The following NIPSNAP1 variants were observed in gnomAD, a reference collection of about 807,000 sequenced individuals.
The protein encoded by NIPSNAP1 is protein NipSnap homolog 1.
A neutral mutation model predicts 49.2 loss-of-function variants in NIPSNAP1; 25 were observed. The ratio of observed to expected loss-of-function variants is 0.51; its 90% CI spans 0.37 to 0.71. The LOEUF is 0.71. NIPSNAP1 is among the 30% of genes least tolerant of loss of function. The pLI, the probability that NIPSNAP1 is intolerant of heterozygous loss-of-function variation, is 0.00. For missense variants in NIPSNAP1, 294 were observed against 361.0 expected (o/e 0.81, Z 1.50); for synonymous variants, 143 against 140.7 (o/e 1.02, Z -0.12).
In NIPSNAP1 at chr22:29,569,219, G is replaced by C; in HGVS notation, c.341C>G (p.Thr114Arg). 1 of 1,614,078 alleles carries C rather than the reference G, an allele frequency of 6.2e-7. No homozygotes were observed. The highest frequency in any genetic ancestry group is 1.1e-5 in the South Asian group (1 of 91,072). The change falls in exon 4 of 10, where the codon ACG (threonine) becomes AGG (arginine). Residue 114 changes from threonine to arginine, a missense_variant. By Grantham distance (71) the Thr-to-Arg change is moderately conservative. Around this residue, in one of 4 missense-constraint regions of NIPSNAP1, gnomAD observed 146 missense variants for 219.9 expected, o/e 0.66. Coordinates refer to ENST00000216121, the MANE Select transcript of NIPSNAP1 (RefSeq NM_003634.4). ...TGCCTGGTCCTGCTCCCCATACCAC[G>C]TGTTCCAGTTGCCCACGAGTGAGCA... ...YPCSLVGNWN[T>R]WYGEQDQAVH...
At chr22:29,558,603 C>G (rs1330407980) in intron 9 of NIPSNAP1, among the ~76,000 whole-genome samples, 2 of 152,178 alleles carry the variant, frequency 1.3e-5, no homozygotes, top group African/African-American at 4.8e-5. Flanking sequence ...GGTAAAGAAC[C>G]GTGCCCAAGG....
rs2146595967 is a variant in NIPSNAP1, at chr22:29,554,855, T to G, written c.*1080A>C. On this transcript the variant is annotated 3_prime_UTR_variant, in exon 10 of 10. Transcript: ENST00000216121. ...TTCCATCAGCAATTCCAGCACAAGT[T>G]TTCCTGGATGGTAGGCAGAATCAAG... 1 of 152,764 alleles carries G rather than the reference T, an allele frequency of 6.5e-6. No homozygotes were observed. Among genetic ancestry groups the G allele is most frequent in the East Asian group, 1.9e-4 (1 of 5,246 alleles). The allele number at this position is 152,764 out of a possible 1,614,324, so 9.5% of individuals were successfully genotyped here. A position where few individuals can be genotyped will look rare whatever the true frequency, so the allele number is the denominator to read the frequency against.
At position 29,581,022 on chromosome 22, in the gene NIPSNAP1, G is replaced by T; in HGVS notation, c.61C>A (p.Pro21Thr). 5 of 1,536,604 alleles carry T rather than the reference G, an allele frequency of 3.3e-6. No individual in the cohort carries two copies. The highest frequency in any genetic ancestry group is 3.5e-6 in the Non-Finnish European group (4 of 1,145,096). The part of the protein sequence containing the change: ...TARRLLGGPG[P>T]RAGDVASAAA... ...GCAGACGCAACGTCCCCAGCGCGAGGCCCCGGGCCCCCCAGCAGCCGCCGC... is the reference window on the plus strand; with the variant it reads ...GCAGACGCAACGTCCCCAGCGCGAGTCCCCGGGCCCCCCAGCAGCCGCCGC... The change falls in exon 1 of 10, where the codon CCT (proline) becomes ACT (threonine). Residue 21 changes from proline (P) to threonine (T), a missense_variant. By Grantham distance (38) the Pro-to-Thr change is conservative. Coordinates refer to ENST00000216121, the MANE Select transcript of NIPSNAP1 (RefSeq NM_003634.4).
intron 4 of NIPSNAP1, among the ~76,000 whole-genome samples, chr22:29,565,196 C>T (rs1216033355): frequency 1.3e-5 from 2 of 148,702 alleles, no homozygotes; most frequent in Non-Finnish European, 3.0e-5. Context: ...AGAGCGAGAC[C>T]CTGTCCCAAA....
intron 1 of NIPSNAP1, among the ~76,000 whole-genome samples, chr22:29,571,545 C>T (rs1194282253): frequency 1.3e-5 from 2 of 152,150 alleles, no homozygotes; most frequent in Non-Finnish European, 1.5e-5. Context: ...CCCAAGGTCC[C>T]AGCAGGAGGC....
chr22:29,567,884 A>G (rs2064378285), intron 4 of NIPSNAP1, among the ~76,000 whole-genome samples: 1 of 150,346 alleles, frequency 6.7e-6, no homozygotes. Flanking sequence ...TTAAAAATGA[A>G]TAAAACTGAA....
chr22:29,563,351 G>A (rs963572814), intron 4 of NIPSNAP1, among the ~76,000 whole-genome samples: 7 of 151,610 alleles, frequency 4.6e-5, no homozygotes, highest in Admixed American at 6.6e-5. Flanking sequence ...CCAACTTGGC[G>A]AAACCCCATC....
At chr22:29,577,738 GTTTTGTTT>G (rs879548825) in intron 1 of NIPSNAP1, among the ~76,000 whole-genome samples, 1 of 147,204 alleles carries the variant, frequency 6.8e-6, no homozygotes, top group Non-Finnish European at 1.5e-5. Context: ...GTTTTGTTTT[GTTTTGTTT>G]TTTTGATACG....
chr22:29,580,788 G>A (rs948126556), intron 1 of NIPSNAP1, among the ~76,000 whole-genome samples, 197 bp downstream of exon 1: 1 of 152,070 alleles, frequency 6.6e-6, no homozygotes, highest in Non-Finnish European at 1.5e-5. Context: ...GTCCCAACCA[G>A]GACAAAGACC....
intron 4 of NIPSNAP1, among the ~76,000 whole-genome samples, chr22:29,563,185 G>A (rs2064348211): frequency 6.6e-6 from 1 of 151,578 alleles, no homozygotes; most frequent in Non-Finnish European, 1.5e-5. Context: ...AGAATCGCTT[G>A]AACCCAGGAG....
At chr22:29,567,090 C>G (rs1225001724) in intron 4 of NIPSNAP1, among the ~76,000 whole-genome samples, 6 of 152,152 alleles carry the variant, frequency 3.9e-5, no homozygotes, top group African/African-American at 1.4e-4. Context: ...CCACTGTACC[C>G]CAGCCTGGGT....
chr22:29,570,434 T>C lies in NIPSNAP1; in HGVS notation c.197A>G (p.Lys66Arg). 6.2e-7 allele frequency: 1 copy of C among 1,614,102 alleles called. No homozygotes were observed. The highest frequency in any genetic ancestry group is 8.5e-7 in the Non-Finnish European group (1 of 1,180,024). The stretch of plus-strand genomic sequence containing the variant: ...GATCTTATAGAGGTTGCTGGTTTCC[T>C]TCTTGGACAGCAGGGTGGAGTGGGC... ...KDAHSTLLSK[K>R]ETSNLYKIQF... Residue 66 changes from lysine to arginine, a missense_variant, in exon 2 of 10, where the codon AAG (lysine) becomes AGG (arginine). Transcript: ENST00000216121.
chr22:29,578,645 A>G (rs1332955516), intron 1 of NIPSNAP1, among the ~76,000 whole-genome samples: 1 of 151,304 alleles, frequency 6.6e-6, no homozygotes, highest in Non-Finnish European at 1.5e-5. Context: ...TGTGGAATTA[A>G]GGTATAAGTA....
chr22:29,580,048 G>A, intron 1 of NIPSNAP1: 6 of 1,285,896 alleles, frequency 4.7e-6, no homozygotes, highest in African/African-American at 1.5e-5. Flanking sequence ...GGGCAGGAGG[G>A]ATGGTTGCTT....
In NIPSNAP1 at chr22:29,555,576, C is replaced by T. The variant is rs547357686; in HGVS notation, c.*359G>A. 6.5e-6 allele frequency: 2 copies of T among 309,598 alleles called. No individual in the cohort carries two copies. The highest frequency in any genetic ancestry group is 3.8e-5 in the Admixed American group (1 of 26,024). The allele number at this position is 309,598 out of a possible 1,614,324, so 19.2% of individuals were successfully genotyped here. ...CACCTCTAGCCACTGGACATACTAC[C>T]TTTTGTGCAACTAAGCTAAACAGAG... On this transcript the variant is annotated 3_prime_UTR_variant, in exon 10 of 10. Transcript: ENST00000216121.
In NIPSNAP1 at chr22:29,561,615, T is replaced by C. The variant is rs757969780; in HGVS notation, c.470A>G (p.Gln157Arg). ...EYLEFRRERS[Q>R]MLLSRRNQLL... ...CTGGTTTCTCCTGGACAGCAGCATC[T>C]GGCTCCGCTCCCTTCGGAACTCCAG... Residue 157 changes from glutamine to arginine, a missense_variant, in exon 6 of 10, where the codon CAG becomes CGG. By Grantham distance (43) the Gln-to-Arg change is conservative. Coordinates refer to ENST00000216121, the MANE Select transcript of NIPSNAP1 (RefSeq NM_003634.4). The C allele has an allele frequency of 1.2e-6, 2 of 1,613,928 alleles. No individual in the cohort carries two copies. Among genetic ancestry groups the C allele is most frequent in the Non-Finnish European group, 1.7e-6 (2 of 1,180,016 alleles).
chr22:29,557,388 G>A (rs2064303705), intron 9 of NIPSNAP1, among the ~76,000 whole-genome samples: 1 of 151,986 alleles, frequency 6.6e-6, no homozygotes, highest in South Asian at 2.1e-4. Context: ...ATAGTGCTGG[G>A]ATTACAGGTG....
chr22:29,580,534 G>C (rs963741502), intron 1 of NIPSNAP1, among the ~76,000 whole-genome samples: 2 of 152,154 alleles, frequency 1.3e-5, no homozygotes, highest in Admixed American at 1.3e-4. Flanking sequence ...TACAGTTCGA[G>C]GTGGAGGAAC....
At chr22:29,567,905 C>T (rs1443203375) in intron 4 of NIPSNAP1, among the ~76,000 whole-genome samples, 1 of 151,892 alleles carries the variant, frequency 6.6e-6, no homozygotes, top group Non-Finnish European at 1.5e-5. Context: ...AGGCCAGGCA[C>T]GGTGGCTCAT....
Sources: gnomAD v4.1 joint callset for allele counts (sites outside exome capture counted in the v4.1 genomes callset) on GRCh38, gnomAD v4.1.1 for gene constraint, gnomAD v4.1.1 regional missense constraint, MANE v1.5 for transcripts, NCBI Gene and HGNC (gene_info 2026-07-23, HGNC 2026-07-21) for gene names.